The following RMST variants were observed in gnomAD, a reference collection of about 807,000 sequenced individuals.
RMST encodes the protein long intergenic non-protein coding RNA 54.
In RMST at chr12:97,523,821, C is replaced by T. The variant is rs965984558; in HGVS notation, n.1341-6834C>T. Among the ~76,000 whole-genome samples, 73 of 152,042 alleles carry T rather than the reference C, an allele frequency of 4.8e-4. 1 individual carries two copies. Among genetic ancestry groups the T allele is most frequent in the African/African-American group, 9.2e-4 (38 of 41,472 alleles). On this transcript the variant is annotated intron_variant and non_coding_transcript_variant, in intron 10 of 13. Coordinates refer to ENST00000640149, the Ensembl canonical transcript of RMST. Reference sequence around the variant, plus strand: ...GGCCGGGCGCAGTGGCTCATGCCTGCAATCCCAGCACTTTGGGAGGTCGAG... The same window carrying T: ...GGCCGGGCGCAGTGGCTCATGCCTGTAATCCCAGCACTTTGGGAGGTCGAG...
chr12:97,488,641 A>G (rs1876403225), intron 5 of RMST, among the ~76,000 whole-genome samples: 1 of 152,138 alleles, frequency 6.6e-6, no homozygotes, highest in Non-Finnish European at 1.5e-5. Context: ...TCCTGGGAAT[A>G]TCCAGGTGAA....
chr12:97,477,897 G>A (rs181555111), intron 5 of RMST, among the ~76,000 whole-genome samples: 14 of 152,280 alleles, frequency 9.2e-5, no homozygotes, highest in South Asian at 6.2e-4. Flanking sequence ...ATTGTCTAGG[G>A]AGACACGGCA....
intron 11 of RMST, among the ~76,000 whole-genome samples, chr12:97,552,418 C>T (rs555328365): frequency 3.3e-5 from 5 of 152,226 alleles, no homozygotes; most frequent in South Asian, 2.1e-4. Context: ...AAATGGATTC[C>T]TTGACATGAA....
chr12:97,477,944 A>C (rs550917851), intron 5 of RMST, among the ~76,000 whole-genome samples: 2 of 152,354 alleles, frequency 1.3e-5, no homozygotes, highest in African/African-American at 2.4e-5. Context: ...AGAAATCCGT[A>C]GACTTGGTAT....
At chr12:97,487,941 C>G (rs1876298491) in intron 5 of RMST, among the ~76,000 whole-genome samples, 1 of 152,188 alleles carries the variant, frequency 6.6e-6, no homozygotes, top group Admixed American at 6.5e-5. Context: ...TATTTCTTCT[C>G]TAACACTTCA....
At chr12:97,464,807 G>T (rs866021534) in intron 4 of RMST, 2 of 152,144 alleles carry the variant, frequency 1.3e-5, no homozygotes, top group Admixed American at 1.3e-4. Flanking sequence ...CAAAATCGTG[G>T]CTGAACGTCT....
chr12:97,532,734 T>C (rs1881771009), intron 11 of RMST: 1 of 149,468 alleles, frequency 6.7e-6, no homozygotes, highest in African/African-American at 2.5e-5. Context: ...GGAATTAACG[T>C]TTTTTGGTAA....
At chr12:97,528,061 A>G (rs189868100) in intron 10 of RMST, among the ~76,000 whole-genome samples, 1 of 152,154 alleles carries the variant, frequency 6.6e-6, no homozygotes, top group Admixed American at 6.5e-5. Context: ...TGAGGTAAGT[A>G]TTACAATTAT....
At chr12:97,539,789 G>T (rs1882362596) in intron 11 of RMST, among the ~76,000 whole-genome samples, 2 of 151,504 alleles carry the variant, frequency 1.3e-5, no homozygotes. Flanking sequence ...ACATTTCAAT[G>T]AATTGTCTTT....
chr12:97,507,609 T>G (rs1474615072), intron 10 of RMST, among the ~76,000 whole-genome samples: 3 of 152,174 alleles, frequency 2.0e-5, no homozygotes, highest in Non-Finnish European at 4.4e-5. Context: ...AGTAGGCCAA[T>G]TTAATGGGGC....
chr12:97,493,417 CAAAT>C (rs1430432185), intron 7 of RMST: 1 of 152,424 alleles, frequency 6.6e-6, no homozygotes, highest in East Asian at 1.9e-4. Context: ...TTTTTTCAAA[CAAAT>C]AAATGAGAAA....
chr12:97,553,055 A>G (rs557169292), intron 11 of RMST, among the ~76,000 whole-genome samples: 2 of 152,292 alleles, frequency 1.3e-5, no homozygotes, highest in African/African-American at 4.8e-5. Context: ...CTGGGGATAC[A>G]TTTTGTGAAT....
At chr12:97,555,409 A>G (rs1883631116) in intron 11 of RMST, among the ~76,000 whole-genome samples, 1 of 152,202 alleles carries the variant, frequency 6.6e-6, no homozygotes, top group African/African-American at 2.4e-5. Flanking sequence ...TTCATTTTAA[A>G]TATTCACACT....
intron 11 of RMST, among the ~76,000 whole-genome samples, chr12:97,545,059 A>G (rs868156541): frequency 9.2e-5 from 14 of 152,086 alleles, no homozygotes; most frequent in South Asian, 4.1e-4. Flanking sequence ...GGATGTGCCC[A>G]TGGTTTTTCC....
chr12:97,564,554 A>T (rs1884391033), exon 14 of RMST: 1 of 152,256 alleles, frequency 6.6e-6, no homozygotes, highest in African/African-American at 2.4e-5. Flanking sequence ...AAATGAAGAG[A>T]AGTAATACCT....
intron 5 of RMST, among the ~76,000 whole-genome samples, chr12:97,485,740 G>A (rs1329397326): frequency 1.3e-5 from 2 of 152,190 alleles, no homozygotes; most frequent in Non-Finnish European, 2.9e-5. Flanking sequence ...TGGCAAAGAG[G>A]AGACACAGTT....
chr12:97,515,211 T>G (rs1222699518), intron 10 of RMST, among the ~76,000 whole-genome samples: 3 of 152,150 alleles, frequency 2.0e-5, no homozygotes, highest in Non-Finnish European at 4.4e-5. Flanking sequence ...ACTCTTAACT[T>G]TTCATAGTTA....
intron 10 of RMST, among the ~76,000 whole-genome samples, chr12:97,527,858 A>G (rs2136576478): frequency 6.6e-6 from 1 of 152,182 alleles, no homozygotes; most frequent in East Asian, 1.9e-4. Context: ...GTTTCAGAGT[A>G]CCTCATTTAA....
At chr12:97,527,403 G>A (rs1226295411) in intron 10 of RMST, among the ~76,000 whole-genome samples, 1 of 152,166 alleles carries the variant, frequency 6.6e-6, no homozygotes, top group Non-Finnish European at 1.5e-5. Context: ...CAATGAGAAT[G>A]GAACATGTGG....
Sources: gnomAD v4.1 joint callset for allele counts (sites outside exome capture counted in the v4.1 genomes callset) on GRCh38, gnomAD v4.1.1 for gene constraint, MANE v1.5 for transcripts, NCBI Gene and HGNC (gene_info 2026-07-23, HGNC 2026-07-21) for gene names.